RBFOX1: variants seen among roughly 807,000 people sequenced by gnomAD.
The protein encoded by RBFOX1 is RNA binding protein fox-1 homolog 1.
In RBFOX1, 8 loss-of-function variants were observed where a neutral mutation model predicts 57.7. That is an observed-to-expected ratio of 0.14 (90% CI 0.08 to 0.25). RBFOX1 has a LOEUF of 0.25. RBFOX1 is among the 10% of genes least tolerant of loss of function. The pLI is 1.00. For synonymous variants in RBFOX1, 326 were observed against 222.4 expected, an observed-to-expected ratio of 1.47 and a Z score of -4.15; for missense variants, 611 against 548.5, an observed-to-expected ratio of 1.11 and a Z score of -1.14.
chr16:7,072,795 G>A (rs1351866585), intron 4 of RBFOX1, among the ~76,000 whole-genome samples: 2 of 152,228 alleles, frequency 1.3e-5, no homozygotes, highest in Non-Finnish European at 2.9e-5. Context: ...GGAGACATGT[G>A]AGATGAAGCT....
intron 4 of RBFOX1, among the ~76,000 whole-genome samples, chr16:7,465,510 G>A (rs1198495582): frequency 1.3e-5 from 2 of 152,180 alleles, no homozygotes; most frequent in African/African-American, 4.8e-5. Flanking sequence ...CACATATTCT[G>A]TCCCCAAGTC....
At chr16:6,542,627 C>G (rs926126919) in intron 2 of RBFOX1, among the ~76,000 whole-genome samples, 3 of 151,148 alleles carry the variant, frequency 2.0e-5, no homozygotes, top group Non-Finnish European at 4.4e-5. Flanking sequence ...GTAGCTGGGA[C>G]CACAGGCGCC....
intron 3 of RBFOX1, among the ~76,000 whole-genome samples, chr16:6,837,552 C>T (rs1317646846): frequency 1.3e-5 from 2 of 152,190 alleles, no homozygotes; most frequent in African/African-American, 4.8e-5. Context: ...AATGGTTTAG[C>T]ATGTGAGTAC....
chr16:6,622,787 C>A (rs112628581), intron 2 of RBFOX1, among the ~76,000 whole-genome samples: 3,646 of 152,210 alleles, frequency 0.024, 149 homozygotes, highest in African/African-American at 0.082. Context: ...TTATTTAATA[C>A]TGAAGCCACT....
chr16:7,268,398 G>A (rs932547025), intron 4 of RBFOX1, among the ~76,000 whole-genome samples: 5 of 152,188 alleles, frequency 3.3e-5, no homozygotes, highest in Admixed American at 3.3e-4. Flanking sequence ...CACTCTTACT[G>A]GTTTTCGATG....
At chr16:6,263,751 C>A (rs2097715982) in intron 1 of RBFOX1, among the ~76,000 whole-genome samples, 1 of 152,166 alleles carries the variant, frequency 6.6e-6, no homozygotes, top group East Asian at 1.9e-4. Flanking sequence ...TCCTACAAAG[C>A]ACCCTGCCAT....
intron 4 of RBFOX1, among the ~76,000 whole-genome samples, chr16:7,351,878 T>C (rs1248149237): frequency 6.6e-6 from 1 of 152,124 alleles, no homozygotes; most frequent in African/African-American, 2.4e-5. Context: ...TCAGCAGCTG[T>C]CTTTCTGATC....
chr16:6,959,920 G>C (rs2082615063), intron 3 of RBFOX1, among the ~76,000 whole-genome samples: 1 of 152,120 alleles, frequency 6.6e-6, no homozygotes, highest in Non-Finnish European at 1.5e-5. Flanking sequence ...TGGGCGACAA[G>C]AGCGAAACTC....
chr16:6,988,233 C>T (rs1483422727), intron 3 of RBFOX1, among the ~76,000 whole-genome samples: 1 of 152,172 alleles, frequency 6.6e-6, no homozygotes, highest in East Asian at 1.9e-4. Flanking sequence ...TTGCATTTTC[C>T]TGCTGGTTTT....
At chr16:7,311,448 C>A (rs938042562) in intron 4 of RBFOX1, among the ~76,000 whole-genome samples, 3 of 148,146 alleles carry the variant, frequency 2.0e-5, no homozygotes, top group African/African-American at 7.5e-5. Flanking sequence ...TGAGTAAATG[C>A]ATAAAAGGTT....
intron 1 of RBFOX1, among the ~76,000 whole-genome samples, chr16:6,219,129 T>C (rs527699618): frequency 1.3e-5 from 2 of 152,164 alleles, no homozygotes; most frequent in African/African-American, 4.8e-5. Context: ...CAATCTGTGG[T>C]TGGTGATTTT....
intron 3 of RBFOX1, among the ~76,000 whole-genome samples, chr16:5,843,234 C>T (rs2056671617): frequency 6.6e-6 from 1 of 152,190 alleles, no homozygotes; most frequent in African/African-American, 2.4e-5. Context: ...TATTTCATCG[C>T]CAAGGTACTA....
chr16:6,521,424 T>TCCTTC (rs2096494829), intron 2 of RBFOX1, among the ~76,000 whole-genome samples: 1 of 150,180 alleles, frequency 6.7e-6, no homozygotes, highest in African/African-American at 2.5e-5. Flanking sequence ...TTTTTTCTCT[T>TCCTTC]CCTTCCCTTC....
chr16:7,598,706 T>C (rs939740885), intron 9 of RBFOX1, among the ~76,000 whole-genome samples: 1 of 152,184 alleles, frequency 6.6e-6, no homozygotes, highest in Non-Finnish European at 1.5e-5. Flanking sequence ...TTTATGTGAA[T>C]GATATAAGGA....
intron 4 of RBFOX1, among the ~76,000 whole-genome samples, chr16:7,475,549 C>G (rs555405286): frequency 1.3e-5 from 2 of 152,068 alleles, no homozygotes; most frequent in Non-Finnish European, 2.9e-5. Context: ...CTCCTGACCT[C>G]GTGATCACCC....
At chr16:5,854,889 C>A (rs1341224427) in intron 3 of RBFOX1, among the ~76,000 whole-genome samples, 1 of 152,140 alleles carries the variant, frequency 6.6e-6, no homozygotes, top group Admixed American at 6.6e-5. Context: ...CCAACACTTG[C>A]TATCTTTTGA....
intron 1 of RBFOX1, among the ~76,000 whole-genome samples, chr16:5,412,025 G>C (rs1373729638): frequency 6.6e-6 from 1 of 152,100 alleles, no homozygotes; most frequent in African/African-American, 2.4e-5. Context: ...AGAGTCACGG[G>C]CAGTTTCTTT....
intron 3 of RBFOX1, among the ~76,000 whole-genome samples, chr16:6,812,778 G>A (rs1243051962): frequency 2.0e-5 from 3 of 152,116 alleles, no homozygotes; most frequent in African/African-American, 7.2e-5. Flanking sequence ...CTCATAAGCG[G>A]CATTTTCCTT....
chr16:6,326,773 C>A (rs554565049), intron 2 of RBFOX1, among the ~76,000 whole-genome samples: 2 of 141,878 alleles, frequency 1.4e-5, no homozygotes, highest in African/African-American at 5.0e-5. Flanking sequence ...GACTAGTGAT[C>A]GGTGTCCTCC....
Sources: gnomAD v4.1 joint callset for allele counts (sites outside exome capture counted in the v4.1 genomes callset) on GRCh38, gnomAD v4.1.1 for gene constraint, MANE v1.5 for transcripts, NCBI Gene and HGNC (gene_info 2026-07-23, HGNC 2026-07-21) for gene names.